ZNF804A: variants seen among roughly 807,000 people sequenced by gnomAD.
ZNF804A encodes the protein zinc finger protein 804A.
A neutral mutation model predicts 16.5 loss-of-function variants in ZNF804A; 2 were observed. The observed-to-expected ratio is 0.12, with a 90% CI of 0.05 to 0.38. ZNF804A has a LOEUF of 0.38. Among genes scored for constraint, ZNF804A ranks in the 10% least tolerant of loss-of-function variants. ZNF804A has a pLI of 0.99. For synonymous variants in ZNF804A, 534 were observed against 489.6 expected (o/e 1.09, Z -1.20); for missense variants, 1,473 against 1,390.7 (o/e 1.06, Z -0.94).
chr2:184,826,567 CA>C (rs1189086284), intron 1 of ZNF804A, among the ~76,000 whole-genome samples: 3 of 151,940 alleles, frequency 2.0e-5, no homozygotes, highest in Admixed American at 2.0e-4. Flanking sequence ...AAAACACAAA[CA>C]AAAAGGGACA....
At chr2:184,723,129 G>A (rs1693346581) in intron 1 of ZNF804A, among the ~76,000 whole-genome samples, 1 of 151,922 alleles carries the variant, frequency 6.6e-6, no homozygotes, top group South Asian at 2.1e-4. Context: ...AATTACCACA[G>A]AAGGTAAAAT....
In ZNF804A at chr2:184,928,216, T is replaced by A. The variant is rs903087807; in HGVS notation, c.256-5387T>A. ...AGTGATCAATTCTGCCAAAACTAGG[T>A]CCTTCCCTTCAAGACAGTAAGTTTC... On this transcript the variant is annotated intron_variant, in intron 2 of 3. Coordinates refer to ENST00000302277, the MANE Select transcript of ZNF804A (RefSeq NM_194250.2). Among the ~76,000 whole-genome samples, 6 of 152,048 alleles carry A rather than the reference T, an allele frequency of 3.9e-5. No homozygotes were observed. In the South Asian group the frequency reaches 1.2e-3, roughly 32 times the overall value.
rs1414255117 is a variant in ZNF804A at position 184,926,272 on chromosome 2, A to C, written c.256-7331A>C. On this transcript the variant is annotated intron_variant, in intron 2 of 3. Transcript: ENST00000302277. ...GAAGGATATTTTAAGCAGGTTTACT[A>C]TTCTAGGGTAAATTTTTTTTTTTTT... is the stretch of plus-strand genomic sequence containing the variant. Among the ~76,000 whole-genome samples the C allele has an allele frequency of 2.5e-5, 3 of 121,634 alleles. No individual in the cohort carries two copies. The East Asian group carries it at 9.1e-4, about 37-fold the overall frequency. 79.8% of individuals were successfully genotyped at this position (121,634 alleles called of 152,430 possible).
At chr2:184,799,303 A>G (rs1343489553) in intron 1 of ZNF804A, among the ~76,000 whole-genome samples, 1 of 151,690 alleles carries the variant, frequency 6.6e-6, no homozygotes, top group Non-Finnish European at 1.5e-5. Context: ...TGATGCACCG[A>G]TTGATTTTTT....
chr2:184,887,300 A>T (rs1025563369), intron 2 of ZNF804A, among the ~76,000 whole-genome samples: 1 of 152,200 alleles, frequency 6.6e-6, no homozygotes, highest in African/African-American at 2.4e-5. Flanking sequence ...ACCTTATTGT[A>T]CATATTGCTA....
At chr2:184,878,591 T>G (rs1381212896) in intron 2 of ZNF804A, among the ~76,000 whole-genome samples, 1 of 152,026 alleles carries the variant, frequency 6.6e-6, no homozygotes, top group African/African-American at 2.4e-5. Context: ...TTGAAGATAC[T>G]TAGCAGTTAT....
intron 2 of ZNF804A, among the ~76,000 whole-genome samples, chr2:184,898,622 T>A (rs966569193): frequency 6.6e-6 from 1 of 152,066 alleles, no homozygotes; most frequent in African/African-American, 2.4e-5. Flanking sequence ...ACTCACTTTG[T>A]TTATATTTTA....
intron 2 of ZNF804A, among the ~76,000 whole-genome samples, chr2:184,884,627 T>C (rs1040194375): frequency 1.3e-5 from 2 of 152,008 alleles, no homozygotes; most frequent in Non-Finnish European, 2.9e-5. Flanking sequence ...TGGAACAGAA[T>C]AGAGAACCCA....
At chr2:184,860,958 A>T (rs1442772075) in intron 1 of ZNF804A, among the ~76,000 whole-genome samples, 2 of 152,160 alleles carry the variant, frequency 1.3e-5, no homozygotes, top group Admixed American at 6.5e-5. Context: ...CTTGTGCTGG[A>T]TGAGGTCCAG....
intron 1 of ZNF804A, among the ~76,000 whole-genome samples, chr2:184,687,995 T>C (rs892499351): frequency 1.3e-5 from 2 of 152,100 alleles, no homozygotes; most frequent in African/African-American, 2.4e-5. Context: ...GGTGTGTGCC[T>C]GTAGTCCCAG....
intron 1 of ZNF804A, among the ~76,000 whole-genome samples, chr2:184,763,751 T>A (rs969396167): frequency 1.7e-4 from 24 of 143,714 alleles, no homozygotes; most frequent in African/African-American, 5.9e-4. Context: ...CATGCCATTC[T>A]CCTGCCTCAG....
chr2:184,910,138 C>T (rs1187456007), intron 2 of ZNF804A, among the ~76,000 whole-genome samples: 2 of 151,894 alleles, frequency 1.3e-5, no homozygotes, highest in African/African-American at 4.8e-5. Context: ...CCTTTCTTCC[C>T]CCTTTAGTAG....
chr2:184,690,917 AATATCTGGAAAAAAAATACTGCCT>A (rs1228844444), intron 1 of ZNF804A, among the ~76,000 whole-genome samples: 3 of 152,030 alleles, frequency 2.0e-5, no homozygotes, highest in African/African-American at 7.2e-5. Context: ...TGTTTGAAAA[AATATCTGGAAAAAAAATACTGCCT>A]ATATCTGGAA....
rs139562377 is a variant in ZNF804A at position 184,709,479 on chromosome 2, C to G, written c.111+110409C>G. ...TTTCCAATATTATTCTGAGAACAAT[C>G]CTGTAAGTTAAGGAAGTTTAAGAAG... On this transcript the variant is annotated intron_variant, in intron 1 of 3. Transcript: ENST00000302277. 8.6e-3 allele frequency among the ~76,000 whole-genome samples: 1,304 copies of G among 151,888 alleles called. 22 individuals are homozygous for G. The highest frequency in any genetic ancestry group is 0.03 in the African/African-American group (1,249 of 41,440).
chr2:184,861,804 G>A (rs750154218), intron 1 of ZNF804A, among the ~76,000 whole-genome samples: 6 of 152,172 alleles, frequency 3.9e-5, no homozygotes, highest in Non-Finnish European at 7.3e-5. Flanking sequence ...TGTCCTTGGG[G>A]TGTGGATAAA....
intron 1 of ZNF804A, among the ~76,000 whole-genome samples, chr2:184,855,550 A>C (rs1342000676): frequency 6.6e-6 from 1 of 151,942 alleles, no homozygotes; most frequent in East Asian, 1.9e-4. Context: ...TCTTAGATCA[A>C]TGAAGAGTAT....
At chr2:184,885,402 G>A (rs535246986) in intron 2 of ZNF804A, among the ~76,000 whole-genome samples, 1 of 152,202 alleles carries the variant, frequency 6.6e-6, no homozygotes, top group African/African-American at 2.4e-5. Context: ...GTTCATCACA[G>A]CACTATTCAC....
At chr2:184,670,521 T>A (rs558022651) in intron 1 of ZNF804A, among the ~76,000 whole-genome samples, 2 of 152,268 alleles carry the variant, frequency 1.3e-5, no homozygotes, top group East Asian at 3.9e-4. Context: ...GTTCTTGGAT[T>A]CCCTATTTGA....
chr2:184,874,288 A>G (rs17431582), intron 2 of ZNF804A, among the ~76,000 whole-genome samples: 1 of 152,114 alleles, frequency 6.6e-6, no homozygotes, highest in Non-Finnish European at 1.5e-5. Context: ...AACCATGTGA[A>G]ATATATTCTA....
Sources: allele counts gnomAD v4.1 joint callset (sites outside exome capture counted in the v4.1 genomes callset), GRCh38; gene constraint gnomAD v4.1.1; transcripts MANE v1.5; gene names NCBI Gene and HGNC (gene_info 2026-07-23, HGNC 2026-07-21).